GFOD1: variants seen among roughly 807,000 people sequenced by gnomAD.
GFOD1 encodes the protein glucose-fructose oxidoreductase domain-containing protein 1.
GFOD1 carries 9 observed loss-of-function variants against 25.4 expected under a neutral mutation model. The observed-to-expected ratio is 0.35, with a 90% CI of 0.21 to 0.62. The LOEUF (loss-of-function observed/expected upper bound fraction) is 0.62. GFOD1 is among the 20% of genes least tolerant of loss of function. The pLI is 0.72. For missense variants in GFOD1, 403 were observed against 556.9 expected, an observed-to-expected ratio of 0.72 and a Z score of 2.78; for synonymous variants, 253 against 245.6, an observed-to-expected ratio of 1.03 and a Z score of -0.28.
At chr6:13,473,695 T>C (rs1584673262) in intron 1 of GFOD1, among the ~76,000 whole-genome samples, 2 of 152,362 alleles carry the variant, frequency 1.3e-5, no homozygotes, top group South Asian at 2.1e-4. Context: ...CTTTATATCA[T>C]AGAGCCTCCC....
At chr6:13,461,167 C>G (rs1418278795) in intron 1 of GFOD1, among the ~76,000 whole-genome samples, 1 of 152,200 alleles carries the variant, frequency 6.6e-6, no homozygotes, top group Non-Finnish European at 1.5e-5. Context: ...ACACTGACTC[C>G]CTAGAAGCCC....
At chr6:13,391,858 A>G (rs1785620916) in intron 1 of GFOD1, among the ~76,000 whole-genome samples, 1 of 152,242 alleles carries the variant, frequency 6.6e-6, no homozygotes, top group African/African-American at 2.4e-5. Context: ...TCCATGTTCA[A>G]TCAATTCTAC....
At chr6:13,400,009 G>A (rs1249771138) in intron 1 of GFOD1, among the ~76,000 whole-genome samples, 1 of 152,104 alleles carries the variant, frequency 6.6e-6, no homozygotes, top group East Asian at 1.9e-4. Context: ...CCTCCACGTG[G>A]TCACACAGTT....
intron 1 of GFOD1, among the ~76,000 whole-genome samples, chr6:13,397,744 C>A (rs902585717): frequency 2.0e-5 from 3 of 152,212 alleles, no homozygotes; most frequent in African/African-American, 7.2e-5. Context: ...AGTGGGCATA[C>A]CCGGAATAAC....
intron 1 of GFOD1, among the ~76,000 whole-genome samples, chr6:13,437,981 C>T (rs1757859935): frequency 6.6e-6 from 1 of 152,052 alleles, no homozygotes; most frequent in South Asian, 2.1e-4. Context: ...GAAAGAAAGA[C>T]AAAGAAAAAT....
chr6:13,376,455 C>T (rs1414412977), intron 1 of GFOD1, among the ~76,000 whole-genome samples: 1 of 152,144 alleles, frequency 6.6e-6, no homozygotes, highest in Non-Finnish European at 1.5e-5. Context: ...CCAGGATTCA[C>T]AGTGCACCCC....
rs1305394022 is a variant in GFOD1 at position 13,359,855 on chromosome 6, G to C, written c.*4888C>G. 6.6e-6 allele frequency: 1 copy of C among 151,754 alleles called. No homozygotes were observed. The highest frequency in any genetic ancestry group is 1.5e-5 in the Non-Finnish European group (1 of 68,192). The allele number at this position is 151,754 out of a possible 1,614,324, so 9.4% of individuals were successfully genotyped here. A position where few individuals can be genotyped will look rare whatever the true frequency, so the allele number is the denominator to read the frequency against. On this transcript the variant is annotated 3_prime_UTR_variant, in exon 2 of 2. Coordinates refer to ENST00000379287, the MANE Select transcript of GFOD1 (RefSeq NM_018988.4). ...CCAGCTACTCAGGAGGCTGAGGCAG[G>C]AGAATCGCTTGAACCCGGGAGGCGG...
intron 1 of GFOD1, among the ~76,000 whole-genome samples, chr6:13,419,307 G>C (rs1430273802): frequency 2.6e-5 from 4 of 152,204 alleles, no homozygotes; most frequent in Non-Finnish European, 1.5e-5. Flanking sequence ...CTCTTCCCTG[G>C]GGGAAGGAAG....
At chr6:13,417,316 G>C (rs1786179526) in intron 1 of GFOD1, among the ~76,000 whole-genome samples, 1 of 152,112 alleles carries the variant, frequency 6.6e-6, no homozygotes, top group Non-Finnish European at 1.5e-5. Flanking sequence ...ACCACGCCCG[G>C]CTAATTTTTT....
intron 1 of GFOD1, among the ~76,000 whole-genome samples, chr6:13,423,274 T>C (rs1057165145): frequency 7.0e-6 from 1 of 142,076 alleles, no homozygotes; most frequent in African/African-American, 3.1e-5. Context: ...ATTGGGGATA[T>C]TAAATGTATT....
At chr6:13,368,358 T>G (rs564621395) in intron 1 of GFOD1, among the ~76,000 whole-genome samples, 1 of 152,202 alleles carries the variant, frequency 6.6e-6, no homozygotes, top group Non-Finnish European at 1.5e-5. Context: ...AGCAACCAGA[T>G]GAGGACTGAG....
chr6:13,443,816 T>A (rs1316149106), intron 1 of GFOD1, among the ~76,000 whole-genome samples: 7 of 112,118 alleles, frequency 6.2e-5, no homozygotes, highest in African/African-American at 3.7e-5. Flanking sequence ...GACTCAGTCT[T>A]AAAAAAAAAA....
At chr6:13,396,765 A>G (rs181540751) in intron 1 of GFOD1, among the ~76,000 whole-genome samples, 1 of 152,300 alleles carries the variant, frequency 6.6e-6, no homozygotes, top group East Asian at 1.9e-4. Flanking sequence ...GGCAGCTTCT[A>G]GAAGCTGGAA....
At chr6:13,441,228 C>T (rs1201937557) in intron 1 of GFOD1, among the ~76,000 whole-genome samples, 1 of 152,228 alleles carries the variant, frequency 6.6e-6, no homozygotes, top group African/African-American at 2.4e-5. Flanking sequence ...AGGGTCCACC[C>T]TGGACATCTG....
chr6:13,437,086 G>A (rs1272849255), intron 1 of GFOD1, among the ~76,000 whole-genome samples: 6 of 152,216 alleles, frequency 3.9e-5, no homozygotes, highest in Admixed American at 1.3e-4. Flanking sequence ...TAAGGTATGA[G>A]AAAAAGGGAA....
intron 1 of GFOD1, among the ~76,000 whole-genome samples, chr6:13,400,089 T>A (rs1785813363): frequency 6.6e-6 from 1 of 151,936 alleles, no homozygotes; most frequent in Admixed American, 6.6e-5. Context: ...GCCTCTGGCC[T>A]CCTGATATAT....
chr6:13,390,254 C>G (rs371009301), intron 1 of GFOD1, among the ~76,000 whole-genome samples: 21 of 152,312 alleles, frequency 1.4e-4, no homozygotes, highest in African/African-American at 4.1e-4. Flanking sequence ...GGTAGTTCCT[C>G]CAAACCTTCT....
At chr6:13,486,614 G>A (rs1381924895) in intron 1 of GFOD1, 24 bp downstream of exon 1, 1 of 1,607,692 alleles carries the variant, frequency 6.2e-7, no homozygotes, top group South Asian at 1.1e-5. Flanking sequence ...GTGGGACGGA[G>A]GATGCGGGGT....
intron 1 of GFOD1, among the ~76,000 whole-genome samples, chr6:13,449,916 T>C (rs1758066283): frequency 6.6e-6 from 1 of 152,210 alleles, no homozygotes; most frequent in African/African-American, 2.4e-5. Flanking sequence ...TCTCAAATAA[T>C]ATTTCCTCCA....
Sources: gnomAD v4.1 joint callset for allele counts (sites outside exome capture counted in the v4.1 genomes callset) on GRCh38, gnomAD v4.1.1 for gene constraint, MANE v1.5 for transcripts, NCBI Gene and HGNC (gene_info 2026-07-23, HGNC 2026-07-21) for gene names.